The following UBE2V2 variants were observed in gnomAD, a reference collection of about 807,000 sequenced individuals.
The protein encoded by UBE2V2 is ubiquitin conjugating enzyme E2 V2.
In UBE2V2, 9 loss-of-function variants were observed where a neutral mutation model predicts 17.2. The ratio of observed to expected loss-of-function variants is 0.52; its 90% CI spans 0.32 to 0.91. The LOEUF is 0.91. UBE2V2 is among the 40% of genes least tolerant of loss of function. The pLI is 0.04. For missense variants in UBE2V2, 133 were observed against 182.6 expected (o/e 0.73, Z 1.56); for synonymous variants, 61 against 57.5 (o/e 1.06, Z -0.28).
chr8:48,044,297 C>T (rs989618042), intron 2 of UBE2V2, among the ~76,000 whole-genome samples: 12 of 152,044 alleles, frequency 7.9e-5, no homozygotes, highest in African/African-American at 2.9e-4. Context: ...AGGTGGTGTG[C>T]ACCACCACTG....
At chr8:48,011,513 C>T (rs980016941) in intron 1 of UBE2V2, among the ~76,000 whole-genome samples, 1 of 152,154 alleles carries the variant, frequency 6.6e-6, no homozygotes, top group East Asian at 1.9e-4. Flanking sequence ...CAAAGTATCT[C>T]GATAACAGTT....
chr8:48,036,127 G>A (rs2091423476), intron 1 of UBE2V2, among the ~76,000 whole-genome samples: 1 of 150,542 alleles, frequency 6.6e-6, no homozygotes, highest in Non-Finnish European at 1.5e-5. Context: ...GCTAATTTTT[G>A]CATTTTTTTG....
chr8:48,008,599 C>T (rs748347072), intron 1 of UBE2V2, 129 bp downstream of exon 1: 23 of 1,361,736 alleles, frequency 1.7e-5, no homozygotes, highest in Non-Finnish European at 2.1e-5. Context: ...CCGCGCTCTC[C>T]GCAGAGCGTA....
chr8:48,029,585 G>T (rs1262248719), intron 1 of UBE2V2, among the ~76,000 whole-genome samples: 1 of 152,152 alleles, frequency 6.6e-6, no homozygotes, highest in Non-Finnish European at 1.5e-5. Flanking sequence ...GTATAATTAT[G>T]CCAGAGGTTT....
chr8:48,033,874 T>G (rs535019538), intron 1 of UBE2V2, among the ~76,000 whole-genome samples: 1 of 152,212 alleles, frequency 6.6e-6, no homozygotes, highest in East Asian at 1.9e-4. Context: ...GGAGGATCGC[T>G]TGAGCCTAGG....
chr8:48,059,540 C>T (rs757714107), intron 3 of UBE2V2, among the ~76,000 whole-genome samples: 5 of 152,018 alleles, frequency 3.3e-5, no homozygotes, highest in Non-Finnish European at 7.4e-5. Context: ...TCCCAAGTAG[C>T]TGGGAGTACA....
chr8:48,002,510 A>G, the UBE2V2 span, among the ~76,000 whole-genome samples: 1 of 152,082 alleles, frequency 6.6e-6, no homozygotes, highest in South Asian at 2.1e-4. Context: ...AATGGAGGCC[A>G]GGCATGGTGG....
chr8:48,020,275 A>G (rs754470012), intron 1 of UBE2V2, among the ~76,000 whole-genome samples: 4 of 151,938 alleles, frequency 2.6e-5, no homozygotes, highest in Non-Finnish European at 5.9e-5. Flanking sequence ...GGGCTCAAAC[A>G]ATTTTCCCTC....
chr8:48,012,681 G>C (rs2091241411), intron 1 of UBE2V2, among the ~76,000 whole-genome samples: 1 of 151,660 alleles, frequency 6.6e-6, no homozygotes, highest in Non-Finnish European at 1.5e-5. Flanking sequence ...GCACGCCATT[G>C]CATTCCAGCC....
intron 1 of UBE2V2, among the ~76,000 whole-genome samples, chr8:48,013,864 CT>C (rs2091249928): frequency 1.3e-5 from 2 of 152,308 alleles, no homozygotes; most frequent in East Asian, 3.9e-4. Context: ...CCTGCTGCCC[CT>C]GACAGACTAC....
chr8:48,019,095 G>A (rs999292634), intron 1 of UBE2V2, among the ~76,000 whole-genome samples: 1 of 151,800 alleles, frequency 6.6e-6, no homozygotes, highest in African/African-American at 2.4e-5. Context: ...GACCAGGAGC[G>A]GTGGCTCACA....
At chr8:48,059,931 T>G (rs1407175870) in intron 3 of UBE2V2, among the ~76,000 whole-genome samples, 1 of 151,738 alleles carries the variant, frequency 6.6e-6, no homozygotes, top group Admixed American at 6.6e-5. Flanking sequence ...TTGGGTCGGG[T>G]GCCGTGGTTC....
At chr8:48,014,826 G>A (rs1011710845) in intron 1 of UBE2V2, among the ~76,000 whole-genome samples, 21 of 151,638 alleles carry the variant, frequency 1.4e-4, no homozygotes, top group African/African-American at 5.1e-4. Context: ...CGAGGTGGGT[G>A]GTTCACGAAG....
intron 1 of UBE2V2, among the ~76,000 whole-genome samples, chr8:48,018,632 TTGAATGGTATGTTCTG>T (rs1290525369): frequency 6.6e-6 from 1 of 152,220 alleles, no homozygotes. Context: ...TATGCCACTG[TTGAATGGTATGTTCTG>T]TGTATGTCTT....
intron 1 of UBE2V2, among the ~76,000 whole-genome samples, chr8:48,031,855 C>T (rs1291283438): frequency 6.6e-6 from 1 of 152,062 alleles, no homozygotes; most frequent in Non-Finnish European, 1.5e-5. Flanking sequence ...ACCATGTTAT[C>T]CAGGATGGTC....
chr8:48,026,131 TC>T (rs1289143063), intron 1 of UBE2V2, among the ~76,000 whole-genome samples: 3 of 151,996 alleles, frequency 2.0e-5, no homozygotes, highest in Non-Finnish European at 4.4e-5. Context: ...TTTACCTACT[TC>T]CCCAAGTAGG....
At chr8:48,006,973 C>T (rs1020439268), upstream of UBE2V2, among the ~76,000 whole-genome samples, 4 of 151,322 alleles carry the variant, frequency 2.6e-5, no homozygotes, top group Admixed American at 6.6e-5. Context: ...CTCCAACTCC[C>T]GGGTTCACGC....
At chr8:48,056,234 TTTTA>T (rs1301546794) in intron 3 of UBE2V2, among the ~76,000 whole-genome samples, 6 of 152,362 alleles carry the variant, frequency 3.9e-5, no homozygotes, top group Middle Eastern at 3.4e-3. Context: ...GGAGATCCCA[TTTTA>T]TTTATCCATT....
chr8:48,027,159 CCTGT>C (rs576414017), intron 1 of UBE2V2, among the ~76,000 whole-genome samples: 90 of 152,086 alleles, frequency 5.9e-4, no homozygotes, highest in Non-Finnish European at 1.1e-3. Context: ...CGCTACCATG[CCTGT>C]CTAATTTTTG....
Sources: allele counts gnomAD v4.1 joint callset (sites outside exome capture counted in the v4.1 genomes callset), GRCh38; gene constraint gnomAD v4.1.1; transcripts MANE v1.5; gene names NCBI Gene and HGNC (gene_info 2026-07-23, HGNC 2026-07-21).